The following HIVEP3 variants were observed in gnomAD, a reference collection of about 807,000 sequenced individuals.
The protein encoded by HIVEP3 is transcription factor HIVEP3.
A neutral mutation model predicts 152.8 loss-of-function variants in HIVEP3; 49 were observed. The ratio of observed to expected loss-of-function variants is 0.32; its 90% CI spans 0.26 to 0.41. HIVEP3 has a LOEUF of 0.41. Among genes scored for constraint, HIVEP3 ranks in the 10% least tolerant of loss-of-function variants. The probability of loss-of-function intolerance (pLI) is 1.00; values close to 1 mark genes in which losing one functional copy is unlikely to be tolerated. For missense variants in HIVEP3, 2,790 were observed against 3,103.3 expected (o/e 0.90, Z 2.40); for synonymous variants, 1,269 against 1,289.0 (o/e 0.98, Z 0.33).
At chr1:41,553,256 C>A (rs1359066140) in intron 5 of HIVEP3, among the ~76,000 whole-genome samples, 2 of 152,140 alleles carry the variant, frequency 1.3e-5, no homozygotes, top group Admixed American at 6.5e-5. Context: ...TATGTAATGG[C>A]CTTCTTTGTC....
intron 1 of HIVEP3, among the ~76,000 whole-genome samples, chr1:41,977,035 C>T (rs1645263307): frequency 6.6e-6 from 1 of 152,162 alleles, no homozygotes; most frequent in African/African-American, 2.4e-5. Context: ...CTCAACATAT[C>T]TCTAATGTTT....
chr1:41,862,504 C>T (rs1488785376), intron 1 of HIVEP3, among the ~76,000 whole-genome samples: 1 of 152,158 alleles, frequency 6.6e-6, no homozygotes, highest in Non-Finnish European at 1.5e-5. Flanking sequence ...TCTTTCCCTC[C>T]TCTTTGCCAC....
chr1:41,993,537 T>C (rs1645376215), intron 1 of HIVEP3, among the ~76,000 whole-genome samples: 1 of 152,110 alleles, frequency 6.6e-6, no homozygotes, highest in Non-Finnish European at 1.5e-5. Context: ...TAGGAACACT[T>C]ATACACTGTT....
intron 1 of HIVEP3, among the ~76,000 whole-genome samples, chr1:41,882,261 G>A (rs772835760): frequency 6.6e-6 from 1 of 152,162 alleles, no homozygotes; most frequent in Non-Finnish European, 1.5e-5. Context: ...CAGATAAACA[G>A]CTGCGAGCTG....
chr1:41,832,080 G>A (rs1193335944), intron 1 of HIVEP3, among the ~76,000 whole-genome samples: 3 of 152,106 alleles, frequency 2.0e-5, no homozygotes, highest in Admixed American at 6.5e-5. Context: ...GGTCAGCCTC[G>A]AGATCTGCAT....
chr1:41,819,608 A>G (rs1642526916), intron 1 of HIVEP3, among the ~76,000 whole-genome samples: 1 of 152,112 alleles, frequency 6.6e-6, no homozygotes, highest in South Asian at 2.1e-4. Flanking sequence ...TTCTTCTTTG[A>G]TTAATTATTT....
chr1:41,870,291 T>A (rs937507857), intron 1 of HIVEP3, among the ~76,000 whole-genome samples: 1 of 152,224 alleles, frequency 6.6e-6, no homozygotes, highest in Non-Finnish European at 1.5e-5. Context: ...ACTCATTCAC[T>A]GAGTCATCCA....
intron 2 of HIVEP3, among the ~76,000 whole-genome samples, chr1:41,685,273 C>T (rs1241941687): frequency 6.6e-6 from 1 of 152,204 alleles, no homozygotes; most frequent in Non-Finnish European, 1.5e-5. Flanking sequence ...GGCAGAGATC[C>T]AGGAGGACCA....
rs1553144856 is a variant in HIVEP3, at chr1:42,033,211, C to CCCTGAAAAGTGATGCCT, written n.119+2579_119+2595dup. 4.6e-5 allele frequency among the ~76,000 whole-genome samples: 7 copies of CCCTGAAAAGTGATGCCT among 152,266 alleles called. No individual in the cohort carries two copies. The East Asian group carries it at 1.3e-3, about 29-fold the overall frequency. Reference sequence around the variant, plus strand: ...CATGCAGGTCCTACCACCATCTGACCCCTGAAAAGTGATGCCTCCTGCAAA... The same window carrying CCCTGAAAAGTGATGCCT: ...CATGCAGGTCCTACCACCATCTGACCCCTGAAAAGTGATGCCTCCTGAAAAGTGATGCCTCCTGCAAA... On this transcript the variant is annotated intron_variant and non_coding_transcript_variant, in intron 1 of 3. Transcript: ENST00000489103.
At chr1:41,727,728 C>T (rs1646778778) in intron 1 of HIVEP3, among the ~76,000 whole-genome samples, 1 of 152,200 alleles carries the variant, frequency 6.6e-6, no homozygotes, top group South Asian at 2.1e-4. Context: ...GCAAGCATGG[C>T]CTCATCCCGC....
chr1:41,871,234 G>T (rs1411205318), intron 1 of HIVEP3, among the ~76,000 whole-genome samples: 1 of 152,168 alleles, frequency 6.6e-6, no homozygotes, highest in Non-Finnish European at 1.5e-5. Context: ...AGGTGATGAT[G>T]CCTTATCCAT....
intron 1 of HIVEP3, among the ~76,000 whole-genome samples, chr1:41,954,071 A>G (rs1645125240): frequency 6.6e-6 from 1 of 152,188 alleles, no homozygotes; most frequent in Admixed American, 6.5e-5. Flanking sequence ...ACACATCTAA[A>G]AGGACTGCGC....
Position 41,520,403 on chromosome 1 carries a change from T to C in HIVEP3, c.5384-1915A>G, listed in dbSNP as rs116315568. Among the ~76,000 whole-genome samples, 1,002 of 152,278 alleles carry C rather than the reference T, an allele frequency of 6.6e-3. 5 individuals are homozygous for C. The highest frequency in any genetic ancestry group is 0.011 in the Non-Finnish European group (761 of 68,024). On this transcript the variant is annotated intron_variant, in intron 6 of 8. Transcript: ENST00000372583. Reference sequence around the variant, plus strand: ...CCTGGCCATAGTGGGAGCAAAGCCATAAATTTCAGAGTCATCTTGTAGCCA... The same window carrying C: ...CCTGGCCATAGTGGGAGCAAAGCCACAAATTTCAGAGTCATCTTGTAGCCA...
chr1:41,561,874 C>G (rs1030391905), intron 5 of HIVEP3, among the ~76,000 whole-genome samples: 1 of 143,328 alleles, frequency 7.0e-6, no homozygotes, highest in Non-Finnish European at 1.6e-5. Flanking sequence ...AGACTTTTCT[C>G]TCTTCTATGA....
chr1:41,940,892 G>C (rs545341207), intron 1 of HIVEP3, among the ~76,000 whole-genome samples: 1 of 151,632 alleles, frequency 6.6e-6, no homozygotes, highest in Non-Finnish European at 1.5e-5. Context: ...GGGAGGGAGC[G>C]GGGGAGAGAG....
intron 1 of HIVEP3, among the ~76,000 whole-genome samples, chr1:41,928,819 T>C (rs993488569): frequency 6.6e-6 from 1 of 152,138 alleles, no homozygotes; most frequent in East Asian, 1.9e-4. Context: ...CCCTTCTCAG[T>C]GCATCAAACT....
chr1:41,840,135 C>T (rs770293511), intron 1 of HIVEP3, among the ~76,000 whole-genome samples: 1 of 152,208 alleles, frequency 6.6e-6, no homozygotes, highest in Non-Finnish European at 1.5e-5. Context: ...CCGTCCCCGC[C>T]TCTTTGTCAC....
chr1:41,694,120 AC>A (rs1223781225), intron 2 of HIVEP3, among the ~76,000 whole-genome samples: 1 of 152,172 alleles, frequency 6.6e-6, no homozygotes, highest in Non-Finnish European at 1.5e-5. Context: ...TATTTATAGA[AC>A]AATTTATAAT....
intron 2 of HIVEP3, among the ~76,000 whole-genome samples, chr1:41,694,964 G>A (rs1646250385): frequency 1.3e-5 from 2 of 152,166 alleles, no homozygotes; most frequent in Admixed American, 1.3e-4. Flanking sequence ...CAGAGTCTGG[G>A]AGGTTGAGGG....
Sources: gnomAD v4.1 joint callset for allele counts (sites outside exome capture counted in the v4.1 genomes callset) on GRCh38, gnomAD v4.1.1 for gene constraint, MANE v1.5 for transcripts, NCBI Gene and HGNC (gene_info 2026-07-23, HGNC 2026-07-21) for gene names.